The following BACH2 variants were observed in gnomAD, a reference collection of about 807,000 sequenced individuals.
BACH2 encodes BACH transcriptional regulator 2, also known as transcription regulator protein BACH2.
BACH2 carries 5 observed loss-of-function variants against 61.8 expected under a neutral mutation model. The observed-to-expected ratio is 0.08, with a 90% CI of 0.04 to 0.17. The LOEUF is 0.17. Among genes scored for constraint, BACH2 ranks in the 10% least tolerant of loss-of-function variants. The pLI is 1.00. For synonymous variants in BACH2, 446 were observed against 440.1 expected, an observed-to-expected ratio of 1.01 and a Z score of -0.17; for missense variants, 824 against 1,091.1, an observed-to-expected ratio of 0.76 and a Z score of 3.45.
At position 89,980,615 on chromosome 6, in the gene BACH2, G is replaced by A. The variant is rs529185259; in HGVS notation, c.243+27987C>T. On this transcript the variant is annotated intron_variant, in intron 6 of 8. Transcript: ENST00000257749. ...TCTAGAGGGAGGAGAAGGGCTAGGT[G>A]TGGTTTTTCTTTACTGTTTTTTGGC... 5.9e-5 allele frequency among the ~76,000 whole-genome samples: 9 copies of A among 152,296 alleles called. No homozygotes were observed. The South Asian group carries it at 1.9e-3, about 32-fold the overall frequency.
At chr6:90,243,457 T>G (rs1770525779) in intron 3 of BACH2, among the ~76,000 whole-genome samples, 1 of 152,216 alleles carries the variant, frequency 6.6e-6, no homozygotes, top group East Asian at 1.9e-4. Context: ...ACTGTTAGGC[T>G]GGTTTTTGTT....
At chr6:90,009,686 G>A (rs1426795577) in intron 5 of BACH2, among the ~76,000 whole-genome samples, 1 of 151,860 alleles carries the variant, frequency 6.6e-6, no homozygotes, top group Non-Finnish European at 1.5e-5. Flanking sequence ...TTTTTGAGAG[G>A]GAGTTTTGTT....
chr6:90,019,550 A>T (rs1778265825), intron 5 of BACH2, among the ~76,000 whole-genome samples: 1 of 152,344 alleles, frequency 6.6e-6, no homozygotes, highest in African/African-American at 2.4e-5. Context: ...CTACAATTCT[A>T]TGAGTCTATA....
At chr6:89,934,725 T>A (rs1350295414) in intron 8 of BACH2, among the ~76,000 whole-genome samples, 1 of 151,488 alleles carries the variant, frequency 6.6e-6, no homozygotes, top group Non-Finnish European at 1.5e-5. Flanking sequence ...GCACACACAA[T>A]GAAGTGGATG....
At chr6:90,056,328 T>C (rs1780347941) in intron 5 of BACH2, among the ~76,000 whole-genome samples, 1 of 152,102 alleles carries the variant, frequency 6.6e-6, no homozygotes, top group Non-Finnish European at 1.5e-5. Flanking sequence ...AATCCTAGTC[T>C]CTGATAAAAC....
chr6:90,047,034 G>T (rs946091383), intron 5 of BACH2, among the ~76,000 whole-genome samples: 1 of 152,064 alleles, frequency 6.6e-6, no homozygotes, highest in South Asian at 2.1e-4. Context: ...GGGTTCAAGC[G>T]ATTCTCCTGC....
intron 6 of BACH2, among the ~76,000 whole-genome samples, chr6:89,972,977 C>A (rs1438099554): frequency 6.6e-6 from 1 of 152,156 alleles, no homozygotes; most frequent in Non-Finnish European, 1.5e-5. Context: ...GTAATCTCAG[C>A]TACTCGGGAG....
At chr6:89,944,702 C>T (rs921938477) in intron 7 of BACH2, among the ~76,000 whole-genome samples, 2 of 151,806 alleles carry the variant, frequency 1.3e-5, no homozygotes, top group African/African-American at 2.4e-5. Flanking sequence ...CTCTCCCGCC[C>T]CCTGCCTGCC....
At chr6:90,267,610 T>C (rs1388626515) in intron 2 of BACH2, among the ~76,000 whole-genome samples, 2 of 152,150 alleles carry the variant, frequency 1.3e-5, no homozygotes, top group South Asian at 2.1e-4. Context: ...TTGTTAGGAA[T>C]GGTAAAAACC....
At chr6:90,272,219 G>C (rs1258878529) in intron 1 of BACH2, among the ~76,000 whole-genome samples, 2 of 151,606 alleles carry the variant, frequency 1.3e-5, no homozygotes, top group Non-Finnish European at 2.9e-5. Flanking sequence ...TTTCACTCTT[G>C]TTCTCCTTGA....
At chr6:90,295,663 G>GTT (rs1772328412) in intron 1 of BACH2, among the ~76,000 whole-genome samples, 1 of 151,622 alleles carries the variant, frequency 6.6e-6, no homozygotes, top group African/African-American at 2.4e-5. Flanking sequence ...GGGTGTGTGT[G>GTT]TGTGTGTGTG....
intron 5 of BACH2, among the ~76,000 whole-genome samples, chr6:90,067,555 A>T (rs1781022685): frequency 6.6e-6 from 1 of 152,128 alleles, no homozygotes. Flanking sequence ...ACGGCAGGAG[A>T]GGGCATGTGA....
At chr6:90,295,714 G>A (rs1379355239) in intron 1 of BACH2, among the ~76,000 whole-genome samples, 1 of 152,066 alleles carries the variant, frequency 6.6e-6, no homozygotes, top group African/African-American at 2.4e-5. Flanking sequence ...GGATCTGTGG[G>A]AGAGGAGGTG....
At chr6:90,234,666 T>C (rs1770203549) in intron 3 of BACH2, among the ~76,000 whole-genome samples, 2 of 152,210 alleles carry the variant, frequency 1.3e-5, no homozygotes, top group African/African-American at 4.8e-5. Flanking sequence ...TGCACTACAT[T>C]TGGGAAACAG....
chr6:90,250,084 TGGTAAATACTGATCTA>T (rs2127869704), intron 3 of BACH2, among the ~76,000 whole-genome samples: 1 of 152,336 alleles, frequency 6.6e-6, no homozygotes, highest in African/African-American at 2.4e-5. Context: ...CCACCAGTTT[TGGTAAATACTGATCTA>T]GGCCTGAACT....
At chr6:90,166,298 G>A (rs1233329938) in intron 4 of BACH2, among the ~76,000 whole-genome samples, 1 of 151,906 alleles carries the variant, frequency 6.6e-6, no homozygotes, top group Non-Finnish European at 1.5e-5. Flanking sequence ...AAAGACACAT[G>A]AAAAAATGCT....
intron 7 of BACH2, among the ~76,000 whole-genome samples, chr6:89,944,126 A>G (rs1773594956): frequency 6.6e-6 from 1 of 152,238 alleles, no homozygotes; most frequent in Admixed American, 6.5e-5. Context: ...CCTGGGATTC[A>G]GTTGTGATAC....
rs117722825 is a variant in BACH2 at position 90,040,201 on chromosome 6, C to T, written c.-12-31345G>A. The stretch of plus-strand genomic sequence containing the variant: ...CTCCTGAATCCTTTTAGAACTTTTA[C>T]GGTTAAATTTTTTTCCCAAGTAAGT... On this transcript the variant is annotated intron_variant, in intron 5 of 8. Coordinates refer to ENST00000257749, the MANE Select transcript of BACH2 (RefSeq NM_021813.4). Among the ~76,000 whole-genome samples, 1,399 of 152,062 alleles carry T rather than the reference C, an allele frequency of 9.2e-3. 13 individuals carry two copies. The highest frequency in any genetic ancestry group is 0.013 in the Non-Finnish European group (912 of 67,958).
At chr6:90,062,134 G>A (rs1780717651) in intron 5 of BACH2, among the ~76,000 whole-genome samples, 1 of 152,162 alleles carries the variant, frequency 6.6e-6, no homozygotes, top group Admixed American at 6.6e-5. Context: ...CAAAGATTAA[G>A]CACCCACAAG....
Sources: allele counts gnomAD v4.1 joint callset (sites outside exome capture counted in the v4.1 genomes callset), GRCh38; gene constraint gnomAD v4.1.1; transcripts MANE v1.5; gene names NCBI Gene and HGNC (gene_info 2026-07-23, HGNC 2026-07-21).